The following CECR2 variants were observed in gnomAD, a reference collection of about 807,000 sequenced individuals.
CECR2 encodes chromatin remodeling regulator CECR2.
A neutral mutation model predicts 154.5 loss-of-function variants in CECR2; 30 were observed. The observed-to-expected ratio is 0.19, with a 90% CI of 0.15 to 0.26. The LOEUF (loss-of-function observed/expected upper bound fraction) is 0.26, where lower values mean the gene tolerates loss of function less well. Ranked by LOEUF, CECR2 falls within the 10% of genes least tolerant of loss-of-function variation. The pLI, the probability that CECR2 is intolerant of heterozygous loss-of-function variation, is 1.00. For synonymous variants in CECR2, 725 were observed against 683.7 expected, an observed-to-expected ratio of 1.06 and a Z score of -0.94; for missense variants, 1,743 against 1,829.3, an observed-to-expected ratio of 0.95 and a Z score of 0.86.
chr22:17,366,200 CTTTTTTT>C (rs796736542), upstream of CECR2, among the ~76,000 whole-genome samples: 7 of 151,784 alleles, frequency 4.6e-5, no homozygotes, highest in African/African-American at 1.4e-4. Flanking sequence ...TTTCTTTTTT[CTTTTTTT>C]GAGATTGAGT....
intron 9 of CECR2, among the ~76,000 whole-genome samples, chr22:17,530,190 C>G (rs1157688573): frequency 6.7e-6 from 1 of 149,678 alleles, no homozygotes. Flanking sequence ...TTTCAAAACT[C>G]CTGTAATGTT....
intron 16 of CECR2, among the ~76,000 whole-genome samples, chr22:17,547,721 G>A (rs994472887): frequency 2.6e-5 from 4 of 152,072 alleles, no homozygotes; most frequent in African/African-American, 7.2e-5. Context: ...CTTCCTGAGC[G>A]CCCGTCATGC....
intron 1 of CECR2, among the ~76,000 whole-genome samples, chr22:17,449,819 C>T (rs1175996023): frequency 2.0e-5 from 3 of 152,094 alleles, no homozygotes; most frequent in Non-Finnish European, 4.4e-5. Flanking sequence ...ACATTTTTGA[C>T]CTGTTCTGTA....
At chr22:17,536,380 C>A (rs546415030) in intron 9 of CECR2, among the ~76,000 whole-genome samples, 3 of 152,326 alleles carry the variant, frequency 2.0e-5, no homozygotes, top group Admixed American at 2.0e-4. Context: ...CCTCCTTGTT[C>A]CCTGCAAGTG....
At chr22:17,377,680 A>G (rs372351383) in intron 1 of CECR2, among the ~76,000 whole-genome samples, 1 of 152,188 alleles carries the variant, frequency 6.6e-6, no homozygotes, top group South Asian at 2.1e-4. Flanking sequence ...TAACCTTTTC[A>G]GATGGCTGCT....
intron 1 of CECR2, among the ~76,000 whole-genome samples, chr22:17,381,790 G>A (rs139298283): frequency 6.6e-6 from 1 of 152,282 alleles, no homozygotes; most frequent in African/African-American, 2.4e-5. Flanking sequence ...GGAAGGCAGA[G>A]ATGGCGAGTG....
At position 17,499,418 on chromosome 22, in the gene CECR2, T is replaced by G. The variant is rs2055695074; in HGVS notation, c.414T>G (p.Asp138Glu). 7 of 1,613,648 alleles carry G rather than the reference T, an allele frequency of 4.3e-6. No individual in the cohort carries two copies. The highest frequency in any genetic ancestry group is 1.7e-4 in the Middle Eastern group (1 of 6,060). ...TTCCGTGCTCTGTGTAGGGCCTGGA[T>G]GCAGACAGTCTCCGTGTGGAGCCAT... ...DDVFDLLKGLDADSLRVEPLG... is the reference protein window; with the variant it reads ...DDVFDLLKGLEADSLRVEPLG... Residue 138 changes from aspartate to glutamate, a missense_variant, in exon 4 of 19, where the codon GAT becomes GAG. This residue lies in a region of CECR2 where 98 missense variants were observed against 169.3 expected (regional missense o/e 0.58). Coordinates refer to ENST00000262608, the MANE Select transcript of CECR2 (RefSeq NM_001290047.2).
chr22:17,518,702 C>T, intron 8 of CECR2: 1 of 437,998 alleles, frequency 2.3e-6, no homozygotes, highest in East Asian at 7.3e-5. Flanking sequence ...TGCATTCAAG[C>T]ACCTCAGCAG....
chr22:17,540,346 A>T (rs1358644197), intron 13 of CECR2, 66 bp from the exon 14 acceptor site: 4 of 1,359,652 alleles, frequency 2.9e-6, no homozygotes, highest in Non-Finnish European at 3.9e-6. Flanking sequence ...GTTTCTATAA[A>T]CTATAGTTTC....
intron 8 of CECR2, among the ~76,000 whole-genome samples, chr22:17,514,314 A>G (rs2056012661): frequency 6.6e-6 from 1 of 152,200 alleles, no homozygotes; most frequent in East Asian, 1.9e-4. Flanking sequence ...GGTGCCAGCA[A>G]GTCTGATACC....
chr22:17,480,157 CT>C (rs2055282194), intron 2 of CECR2, among the ~76,000 whole-genome samples: 1 of 151,862 alleles, frequency 6.6e-6, no homozygotes. Context: ...AGTTAGTATT[CT>C]TTTGACTCTC....
At chr22:17,523,755 C>CAAA (rs66963477) in intron 8 of CECR2, among the ~76,000 whole-genome samples, 4 of 101,144 alleles carry the variant, frequency 4.0e-5, no homozygotes, top group Non-Finnish European at 6.0e-5. Context: ...GACTCTATCT[C>CAAA]AAAAAAAAAA....
intron 1 of CECR2, among the ~76,000 whole-genome samples, chr22:17,384,981 G>A (rs1406216697): frequency 6.6e-6 from 1 of 152,154 alleles, no homozygotes; most frequent in African/African-American, 2.4e-5. Context: ...GCATGTTTAC[G>A]TTACATTTCC....
chr22:17,526,640 C>G (rs2056269612), intron 9 of CECR2, among the ~76,000 whole-genome samples: 1 of 151,836 alleles, frequency 6.6e-6, no homozygotes, highest in African/African-American at 2.4e-5. Context: ...GAAACCCCGT[C>G]TCTACTAAAA....
At chr22:17,479,100 C>A (rs2055261147) in intron 2 of CECR2, among the ~76,000 whole-genome samples, 1 of 152,110 alleles carries the variant, frequency 6.6e-6, no homozygotes, top group Non-Finnish European at 1.5e-5. Context: ...TTATGTCTAG[C>A]TTTTAGCTGT....
rs888153507 is a variant in CECR2, at chr22:17,393,546, G to C, written c.126+23637G>C. Among the ~76,000 whole-genome samples the C allele has an allele frequency of 3.9e-5, 6 of 152,198 alleles. No individual in the cohort carries two copies. In the East Asian group the frequency reaches 5.8e-4, roughly 15 times the overall value. ...TAGGTATGTACTAAGAAGTGGAATT[G>C]GTGGGTCATACAGTAACGAGGCTTC... On this transcript the variant is annotated intron_variant, in intron 1 of 18. Transcript: ENST00000262608.
chr22:17,486,079 A>G (rs2055415147), intron 2 of CECR2, among the ~76,000 whole-genome samples: 3 of 152,226 alleles, frequency 2.0e-5, no homozygotes, highest in African/African-American at 7.2e-5. Context: ...TCCTGGGCTC[A>G]AGCCATCTTC....
chr22:17,374,716 G>A (rs776107084), intron 1 of CECR2, among the ~76,000 whole-genome samples: 1 of 152,194 alleles, frequency 6.6e-6, no homozygotes, highest in African/African-American at 2.4e-5. Context: ...TCAAAATAAC[G>A]TGATGATAAA....
intron 1 of CECR2, among the ~76,000 whole-genome samples, chr22:17,423,519 AAG>A (rs1218373628): frequency 6.8e-6 from 1 of 146,764 alleles, no homozygotes; most frequent in Non-Finnish European, 1.5e-5. Context: ...AAAAAAAAAA[AAG>A]AAGAAGAATT....
Sources: allele counts gnomAD v4.1 joint callset (sites outside exome capture counted in the v4.1 genomes callset), GRCh38; gene constraint gnomAD v4.1.1; regional missense constraint gnomAD v4.1.1; transcripts MANE v1.5; gene names NCBI Gene and HGNC (gene_info 2026-07-23, HGNC 2026-07-21).